Variants in NRG1 observed in about 807,000 individuals in gnomAD.
NRG1 encodes the protein neuregulin 1.
In NRG1, 18 loss-of-function variants were observed where a neutral mutation model predicts 63.8. That is an observed-to-expected ratio of 0.28 (90% confidence interval 0.19 to 0.42). NRG1 has a LOEUF of 0.42. Ranked by LOEUF, NRG1 falls within the 10% of genes least tolerant of loss-of-function variation. The pLI, the probability that NRG1 is intolerant of heterozygous loss-of-function variation, is 1.00. For missense variants in NRG1, 762 were observed against 814.7 expected, an observed-to-expected ratio of 0.94 and a Z score of 0.79; for synonymous variants, 302 against 301.3, an observed-to-expected ratio of 1.00 and a Z score of -0.02.
At chr8:32,681,508 G>A (rs1315777740) in intron 5 of NRG1, among the ~76,000 whole-genome samples, 1 of 152,070 alleles carries the variant, frequency 6.6e-6, no homozygotes, top group Non-Finnish European at 1.5e-5. Flanking sequence ...ACTAAAGATA[G>A]CAAAGTGTTG....
intron 1 of NRG1, among the ~76,000 whole-genome samples, chr8:32,021,169 C>A (rs1477010710): frequency 6.6e-6 from 1 of 151,992 alleles, no homozygotes; most frequent in Non-Finnish European, 1.5e-5. Context: ...AGAAAAAATG[C>A]CTTAGTCTGT....
chr8:32,702,019 A>ATGAC, intron 5 of NRG1, among the ~76,000 whole-genome samples: 1 of 152,340 alleles, frequency 6.6e-6, no homozygotes, highest in East Asian at 1.9e-4. Context: ...TCCTTCTCAG[A>ATGAC]TGACTCTTTT....
Position 32,639,593 on chromosome 8 carries a change from C to T in NRG1, c.502+22708C>T, listed in dbSNP as rs1174940213. Among the ~76,000 whole-genome samples the T allele has an allele frequency of 2.0e-5, 3 of 152,304 alleles. No homozygotes were observed. The South Asian group carries it at 6.2e-4, about 32-fold the overall frequency. On this transcript the variant is annotated intron_variant, in intron 5 of 11. Transcript: ENST00000356819. ...GTACTCTCTTATGAGTAATTCATAA[C>T]TGCCTTCACATGTGTATAATCTCAT...
intron 1 of NRG1, among the ~76,000 whole-genome samples, chr8:31,916,419 T>A (rs113514901): frequency 2.0e-5 from 3 of 152,152 alleles, no homozygotes; most frequent in Admixed American, 1.3e-4. Flanking sequence ...GTGTTCTCAT[T>A]GTTCAATTCC....
intron 1 of NRG1, among the ~76,000 whole-genome samples, chr8:31,965,734 T>C (rs145861657): frequency 1.4e-4 from 22 of 152,322 alleles, no homozygotes; most frequent in Non-Finnish European, 1.6e-4. Context: ...TAATAATAGC[T>C]ATTCTGACTG....
At chr8:31,721,243 T>G (rs909610665) in intron 1 of NRG1, among the ~76,000 whole-genome samples, 1 of 152,180 alleles carries the variant, frequency 6.6e-6, no homozygotes, top group Non-Finnish European at 1.5e-5. Context: ...TAATTGCAAA[T>G]GTGTTTATTA....
At chr8:32,201,148 C>T (rs774000490) in intron 1 of NRG1, among the ~76,000 whole-genome samples, 5 of 152,178 alleles carry the variant, frequency 3.3e-5, no homozygotes, top group Non-Finnish European at 7.3e-5. Flanking sequence ...TGCTCATCCA[C>T]CTTTCATTTT....
At chr8:32,124,822 A>G (rs868757873) in intron 1 of NRG1, among the ~76,000 whole-genome samples, 5 of 152,044 alleles carry the variant, frequency 3.3e-5, no homozygotes, top group Middle Eastern at 6.8e-3. Context: ...CTGGACAAGC[A>G]AAGTGCTTTA....
At chr8:31,798,695 A>G (rs551238728) in intron 1 of NRG1, among the ~76,000 whole-genome samples, 1 of 152,334 alleles carries the variant, frequency 6.6e-6, no homozygotes, top group Non-Finnish European at 1.5e-5. Flanking sequence ...TTTTAATTAT[A>G]TGATATAGCA....
In NRG1 at chr8:31,640,890, G is replaced by A. The variant is rs1803701852; in HGVS notation, c.37+1459G>A. 6.6e-6 allele frequency among the ~76,000 whole-genome samples: 1 copy of A among 152,216 alleles called. No homozygotes were observed. The highest frequency in any genetic ancestry group is 6.5e-5 in the Admixed American group (1 of 15,284). Reference sequence around the variant, plus strand: ...GTTCTCAGCGATCCTCAGAGAGGGAGGTTTCGCTTTCTCCAGCTTCCCTTG... The same window carrying A: ...GTTCTCAGCGATCCTCAGAGAGGGAAGTTTCGCTTTCTCCAGCTTCCCTTG... On this transcript the variant is annotated intron_variant, in intron 1 of 10. Coordinates refer to the NRG1 transcript ENST00000519301. This position sits in a 1 kb window ranked among gnomAD's most constrained non-coding sequence, Gnocchi z 6.3.
intron 1 of NRG1, among the ~76,000 whole-genome samples, chr8:31,707,558 A>G (rs1811271219): frequency 6.6e-6 from 1 of 152,146 alleles, no homozygotes; most frequent in South Asian, 2.1e-4. Context: ...GAATTTTATT[A>G]CATTTTCAAA....
intron 6 of NRG1, chr8:32,728,498 G>T: frequency 5.1e-6 from 5 of 985,238 alleles, no homozygotes; most frequent in Non-Finnish European, 6.0e-6. Flanking sequence ...AAATGAATAA[G>T]ACAACAAAGA....
intron 1 of NRG1, among the ~76,000 whole-genome samples, chr8:32,573,542 G>A (rs1388002444): frequency 6.6e-6 from 1 of 151,966 alleles, no homozygotes; most frequent in Non-Finnish European, 1.5e-5. Flanking sequence ...TTTACCTGGC[G>A]TTGCTTATGT....
rs531549271 is a variant in NRG1, at chr8:32,409,986, TC to T, written c.38-185838del. Among the ~76,000 whole-genome samples, 53 of 152,092 alleles carry T rather than the reference TC, an allele frequency of 3.5e-4. No homozygotes were observed. The East Asian group carries it at 3.9e-3, about 11-fold the overall frequency. ...TTATCTCTGCATTCTGCTTAAGCCA[TC>T]CCCTCCAAACCCTGCCTCTAAGGAG... On this transcript the variant is annotated intron_variant, in intron 1 of 10. Transcript: ENST00000519301.
intron 1 of NRG1, among the ~76,000 whole-genome samples, chr8:32,533,803 T>A (rs1831693906): frequency 1.3e-5 from 2 of 152,112 alleles, no homozygotes; most frequent in Admixed American, 6.5e-5. Context: ...CACATGTTTA[T>A]GTATAAGTTT....
Position 32,376,273 on chromosome 8 carries a change from G to A in NRG1, c.38-219555G>A, listed in dbSNP as rs148538744. ...GAAAACAAACTGTTATCCTAGCTCA[G>A]GTCACAGATCGCTCTGGCCATTCCC... On this transcript the variant is annotated intron_variant, in intron 1 of 10. Transcript: ENST00000519301. 5.2e-3 allele frequency among the ~76,000 whole-genome samples: 796 copies of A among 152,304 alleles called. 7 individuals are homozygous for A. Among genetic ancestry groups the A allele is most frequent in the African/African-American group, 0.018 (750 of 41,566 alleles).
chr8:32,021,249 T>C (rs1586531902), intron 1 of NRG1, among the ~76,000 whole-genome samples: 2 of 152,048 alleles, frequency 1.3e-5, no homozygotes, highest in African/African-American at 4.8e-5. Flanking sequence ...TAGCTCACAG[T>C]TCTGCAGGCT....
At chr8:32,692,361 A>G (rs950894320) in intron 5 of NRG1, among the ~76,000 whole-genome samples, 1 of 152,192 alleles carries the variant, frequency 6.6e-6, no homozygotes, top group Non-Finnish European at 1.5e-5. Flanking sequence ...AGCAGCACAC[A>G]ATTTTCTGTC....
intron 1 of NRG1, among the ~76,000 whole-genome samples, chr8:32,149,857 C>T (rs775926712): frequency 3.9e-5 from 6 of 152,080 alleles, no homozygotes; most frequent in Admixed American, 1.3e-4. Context: ...ATATTTTGTC[C>T]GCTGTTGTAC....
Sources: gnomAD v4.1 joint callset for allele counts (sites outside exome capture counted in the v4.1 genomes callset) on GRCh38, gnomAD v4.1.1 for gene constraint, Gnocchi (gnomAD v3.1) non-coding constraint, MANE v1.5 for transcripts, NCBI Gene and HGNC (gene_info 2026-07-23, HGNC 2026-07-21) for gene names.